NAA15: variants seen among roughly 807,000 people sequenced by gnomAD.
NAA15 encodes N-terminal acetyltransferase.
In NAA15, 34 loss-of-function variants were observed where a neutral mutation model predicts 114.0. The ratio of observed to expected loss-of-function variants is 0.30; its 90% confidence interval spans 0.23 to 0.40. NAA15 has a LOEUF of 0.40. Ranked by LOEUF, NAA15 falls within the 10% of genes least tolerant of loss-of-function variation. The probability of loss-of-function intolerance (pLI) is 1.00; values close to 1 mark genes in which losing one functional copy is unlikely to be tolerated. For missense variants in NAA15, 658 were observed against 1,004.5 expected, an observed-to-expected ratio of 0.66 and a Z score of 4.66; for synonymous variants, 340 against 338.0, an observed-to-expected ratio of 1.01 and a Z score of -0.06.
intron 11 of NAA15, among the ~76,000 whole-genome samples, chr4:139,358,443 G>A (rs1748032870): frequency 6.6e-6 from 1 of 152,024 alleles, no homozygotes; most frequent in African/African-American, 2.4e-5. Flanking sequence ...TGATCCACCT[G>A]TTTTGGCCTC....
Position 139,340,385 on chromosome 4 carries a change from G to A in NAA15, c.245-527G>A, listed in dbSNP as rs190699248. On this transcript the variant is annotated intron_variant, in intron 3 of 19. Coordinates refer to ENST00000296543, the MANE Select transcript of NAA15 (RefSeq NM_057175.5). ...AATGAATGTTTTTATTTTATATGTGGCTGAGTTTTAGAAACTTTGTATTAC... is the reference window on the plus strand; with the variant it reads ...AATGAATGTTTTTATTTTATATGTGACTGAGTTTTAGAAACTTTGTATTAC... Among the ~76,000 whole-genome samples the A allele has an allele frequency of 3.6e-3, 552 of 152,214 alleles. 4 individuals carry two copies. Among genetic ancestry groups the A allele is most frequent in the African/African-American group, 0.013 (521 of 41,532 alleles).
intron 14 of NAA15, among the ~76,000 whole-genome samples, chr4:139,362,581 C>T (rs1748167358): frequency 6.6e-6 from 1 of 152,210 alleles, no homozygotes; most frequent in African/African-American, 2.4e-5. Context: ...AGGCATGAGC[C>T]ACTATTCCCA....
chr4:139,310,525 C>A (rs866044799), intron 1 of NAA15, among the ~76,000 whole-genome samples: 5 of 151,056 alleles, frequency 3.3e-5, no homozygotes, highest in African/African-American at 1.2e-4. Context: ...AAGGACTGTT[C>A]AGAATTTTCT....
intron 15 of NAA15, among the ~76,000 whole-genome samples, chr4:139,375,121 A>G (rs1049908464): frequency 1.3e-5 from 2 of 152,166 alleles, no homozygotes; most frequent in Non-Finnish European, 1.5e-5. Flanking sequence ...CTCTGATACA[A>G]CTGTTTCTCC....
chr4:139,330,267 T>C (rs1405099805), intron 1 of NAA15, among the ~76,000 whole-genome samples: 1 of 152,226 alleles, frequency 6.6e-6, no homozygotes, highest in African/African-American at 2.4e-5. Flanking sequence ...ATAGCTTCCT[T>C]TAGTGCTTTC....
chr4:139,303,755 CAG>C (rs1275498319), intron 1 of NAA15, among the ~76,000 whole-genome samples: 1 of 152,224 alleles, frequency 6.6e-6, no homozygotes, highest in Non-Finnish European at 1.5e-5. Context: ...GCCTTGGCAA[CAG>C]AGGAAGACTG....
At chr4:139,345,782 G>T (rs183069175) in intron 6 of NAA15, among the ~76,000 whole-genome samples, 4 of 152,134 alleles carry the variant, frequency 2.6e-5, no homozygotes, top group Non-Finnish European at 4.4e-5. Context: ...TTAGCCAGGC[G>T]TGGTGGCAGG....
intron 17 of NAA15, among the ~76,000 whole-genome samples, chr4:139,379,890 CA>C (rs1295743548): frequency 1.3e-5 from 2 of 152,024 alleles, no homozygotes; most frequent in Admixed American, 1.3e-4. Flanking sequence ...CCAAAAAATA[CA>C]AAAATTAGCC....
chr4:139,344,418 A>G (rs958699122), intron 6 of NAA15, 79 bp downstream of exon 6: 1 of 1,166,096 alleles, frequency 8.6e-7, no homozygotes, highest in Non-Finnish European at 1.2e-6. Flanking sequence ...TGCTGCTGAC[A>G]GTTTCATATA....
intron 2 of NAA15, among the ~76,000 whole-genome samples, chr4:139,335,947 C>T (rs1007730985): frequency 1.3e-5 from 2 of 149,174 alleles, no homozygotes; most frequent in African/African-American, 2.5e-5. Context: ...TTAGTAGAGA[C>T]GGGGGTTCAC....
chr4:139,365,142 A>G (rs1748242226), intron 14 of NAA15, among the ~76,000 whole-genome samples: 1 of 152,098 alleles, frequency 6.6e-6, no homozygotes, highest in Non-Finnish European at 1.5e-5. Context: ...GTTTCAAGCA[A>G]TTGTCCTGCC....
intron 1 of NAA15, among the ~76,000 whole-genome samples, chr4:139,313,988 A>T (rs1355776792): frequency 6.6e-6 from 1 of 151,960 alleles, no homozygotes; most frequent in South Asian, 2.1e-4. Context: ...ATTAAAAAAC[A>T]TTATTAGTGA....
rs1323914117 is a variant in NAA15 at position 139,389,512 on chromosome 4, A to G, written c.*1428A>G. The G allele has an allele frequency of 1.3e-5, 2 of 152,652 alleles. No homozygotes were observed. The highest frequency in any genetic ancestry group is 3.9e-4 in the East Asian group (2 of 5,194). The allele number at this position is 152,652 out of a possible 1,614,324, so 9.5% of individuals were successfully genotyped here. ...AATGCTGCTCCTGCATTAAGATTTC[A>G]TTGAGGGCAAGGCTGGTGGCAGGTA... On this transcript the variant is annotated 3_prime_UTR_variant, in exon 20 of 20. Transcript: ENST00000296543.
intron 1 of NAA15, among the ~76,000 whole-genome samples, chr4:139,310,008 G>A (rs144996593): frequency 2.0e-5 from 3 of 152,112 alleles, no homozygotes; most frequent in Non-Finnish European, 2.9e-5. Flanking sequence ...CATGGTGCTC[G>A]GTGTGATTGG....
chr4:139,339,206 A>T (rs1171891800), intron 3 of NAA15, among the ~76,000 whole-genome samples: 1 of 152,188 alleles, frequency 6.6e-6, no homozygotes, highest in African/African-American at 2.4e-5. Flanking sequence ...TTTTAAAAAG[A>T]TTATTTTGGG....
At chr4:139,360,449 A>G in intron 12 of NAA15, 51 bp from the exon 13 acceptor site, 2 of 1,428,956 alleles carry the variant, frequency 1.4e-6, no homozygotes, top group South Asian at 3.3e-5. Flanking sequence ...TCTGTGGTAG[A>G]ATGATGTCTA....
chr4:139,352,734 C>G (rs1181272596), intron 9 of NAA15, among the ~76,000 whole-genome samples: 3 of 133,590 alleles, frequency 2.2e-5, no homozygotes, highest in African/African-American at 8.7e-5. Flanking sequence ...ATGGCGTGAT[C>G]TCAGCTCACT....
chr4:139,379,185 C>T (rs1748673417), intron 17 of NAA15: 1 of 176,462 alleles, frequency 5.7e-6, no homozygotes, highest in African/African-American at 2.4e-5. Flanking sequence ...TGAAGAATCT[C>T]TTTGAAATTG....
Position 139,310,409 on chromosome 4 carries a change from C to G in NAA15, c.54+8578C>G, listed in dbSNP as rs866122914. On this transcript the variant is annotated intron_variant, in intron 1 of 19. Coordinates refer to ENST00000296543, the MANE Select transcript of NAA15 (RefSeq NM_057175.5). Reference sequence around the variant, plus strand: ...GCGGAGCTTGCAGTGAGCCGAGATCCCGCCACTGCACTCCAGCCTGGGCGA... The same window carrying G: ...GCGGAGCTTGCAGTGAGCCGAGATCGCGCCACTGCACTCCAGCCTGGGCGA... Among the ~76,000 whole-genome samples, 106 of 149,078 alleles carry G rather than the reference C, an allele frequency of 7.1e-4. 2 individuals carry two copies. Among genetic ancestry groups the G allele is most frequent in the African/African-American group, 2.3e-3 (95 of 40,524 alleles).
Sources: gnomAD v4.1 joint callset for allele counts (sites outside exome capture counted in the v4.1 genomes callset) on GRCh38, gnomAD v4.1.1 for gene constraint, MANE v1.5 for transcripts, NCBI Gene and HGNC (gene_info 2026-07-23, HGNC 2026-07-21) for gene names.